Variants in GSE1 observed in about 807,000 individuals in gnomAD.
GSE1 encodes the protein Gse1 coiled-coil protein.
A neutral mutation model predicts 112.6 loss-of-function variants in GSE1; 32 were observed. The observed-to-expected ratio is 0.28, with a 90% CI of 0.21 to 0.38. GSE1 has a LOEUF of 0.38. Among genes scored for constraint, GSE1 ranks in the 10% least tolerant of loss-of-function variants. GSE1 has a pLI of 1.00. For synonymous variants in GSE1, 1,115 were observed against 735.6 expected (o/e 1.52, Z -8.35); for missense variants, 2,348 against 1,699.2 (o/e 1.38, Z -6.71).
intron 3 of GSE1, among the ~76,000 whole-genome samples, chr16:85,649,059 T>TC (rs2051118456): frequency 6.6e-6 from 1 of 152,132 alleles, no homozygotes; most frequent in Non-Finnish European, 1.5e-5. Context: ...AGGGCTGGTT[T>TC]CCCCAGAGGC....
intron 1 of GSE1, among the ~76,000 whole-genome samples, chr16:85,338,124 C>G (rs1419414123): frequency 1.3e-5 from 2 of 152,230 alleles, no homozygotes; most frequent in African/African-American, 2.4e-5. Flanking sequence ...CTGTTCTTCC[C>G]TGGAGCCCTG....
intron 2 of GSE1, among the ~76,000 whole-genome samples, chr16:85,377,886 C>T (rs2047455240): frequency 6.6e-6 from 1 of 152,274 alleles, no homozygotes; most frequent in Admixed American, 6.5e-5. Context: ...CCAGCATCCA[C>T]CTCCTGGTAC....
chr16:85,538,478 A>C (rs1427873109), intron 2 of GSE1, among the ~76,000 whole-genome samples: 1 of 151,908 alleles, frequency 6.6e-6, no homozygotes, highest in Non-Finnish European at 1.5e-5. Flanking sequence ...GCAGCCTTTC[A>C]CCTCCTGGCA....
chr16:85,431,985 C>T, intron 2 of GSE1, among the ~76,000 whole-genome samples: 1 of 152,206 alleles, frequency 6.6e-6, no homozygotes, highest in Non-Finnish European at 1.5e-5. Flanking sequence ...GGCATGGGCG[C>T]CTGGTGGAAT....
At chr16:85,437,588 G>C (rs753099484) in intron 2 of GSE1, among the ~76,000 whole-genome samples, 1 of 152,192 alleles carries the variant, frequency 6.6e-6, no homozygotes, top group East Asian at 1.9e-4. Flanking sequence ...CCACATGCTC[G>C]GGGGATTGGG....
At chr16:85,322,453 A>G (rs992056062) in intron 1 of GSE1, among the ~76,000 whole-genome samples, 1 of 152,050 alleles carries the variant, frequency 6.6e-6, no homozygotes, top group Non-Finnish European at 1.5e-5. Flanking sequence ...TAATCAGAGG[A>G]GGTTTGCAAG....
intron 1 of GSE1, among the ~76,000 whole-genome samples, chr16:85,216,757 GC>G (rs2075312264): frequency 6.6e-6 from 1 of 152,216 alleles, no homozygotes; most frequent in Non-Finnish European, 1.5e-5. Context: ...ACCTCCTCCA[GC>G]CTCTGGGGGA....
intron 1 of GSE1, among the ~76,000 whole-genome samples, chr16:85,558,889 G>C (rs746474260): frequency 3.9e-5 from 6 of 152,008 alleles, no homozygotes; most frequent in Non-Finnish European, 8.8e-5. Context: ...ATGGAGTCTT[G>C]CTGTGTCGCC....
chr16:85,273,863 ATT>A (rs1399628119), intron 1 of GSE1, among the ~76,000 whole-genome samples: 5 of 138,852 alleles, frequency 3.6e-5, no homozygotes, highest in African/African-American at 5.3e-5. Context: ...CTAATTTTGT[ATT>A]TTTTTTTTTT....
chr16:85,505,782 G>C (rs961915138), intron 2 of GSE1, among the ~76,000 whole-genome samples: 1 of 152,096 alleles, frequency 6.6e-6, no homozygotes, highest in Non-Finnish European at 1.5e-5. Flanking sequence ...ACTTTGGGAG[G>C]CTGAGGCCAG....
In GSE1 at chr16:85,560,173, C is replaced by T. The variant is rs1271375557; in HGVS notation, c.37+3810C>T. Among the ~76,000 whole-genome samples, 7 of 114,286 alleles carry T rather than the reference C, an allele frequency of 6.1e-5. 1 individual carries two copies. In the East Asian group the frequency reaches 2.0e-3, roughly 33 times the overall value. 75.0% of individuals were successfully genotyped at this position (114,286 alleles called of 152,430 possible). On this transcript the variant is annotated intron_variant, in intron 1 of 2. Coordinates refer to the GSE1 transcript ENST00000635906. ...TTTATGTGAGACGGAGTCTCTCTCT[C>T]TTGCCAGGCTCGAGTGCAATGGCGA...
At chr16:85,259,693 C>T (rs1202829093) in intron 1 of GSE1, among the ~76,000 whole-genome samples, 2 of 152,152 alleles carry the variant, frequency 1.3e-5, no homozygotes, top group Non-Finnish European at 2.9e-5. Flanking sequence ...AGTAACAGTC[C>T]CGAGGGCAGG....
chr16:85,625,181 C>T (rs1025520150), intron 1 of GSE1, among the ~76,000 whole-genome samples: 1 of 152,158 alleles, frequency 6.6e-6, no homozygotes, highest in Non-Finnish European at 1.5e-5. Flanking sequence ...CTGCCAGTCC[C>T]GCCCTTCCCG....
intron 1 of GSE1, among the ~76,000 whole-genome samples, chr16:85,350,808 G>A (rs2046837187): frequency 6.6e-6 from 1 of 152,126 alleles, no homozygotes; most frequent in African/African-American, 2.4e-5. Flanking sequence ...ACGGACTCTT[G>A]CTCTGTCACC....
intron 2 of GSE1, among the ~76,000 whole-genome samples, chr16:85,404,698 C>CT (rs748015203): frequency 3.7e-4 from 18 of 48,024 alleles, no homozygotes; most frequent in Non-Finnish European, 4.8e-4. Flanking sequence ...TCAGGCCCCC[C>CT]GGATAATCCT....
chr16:85,362,029 C>G (rs1247893123), intron 2 of GSE1, among the ~76,000 whole-genome samples: 1 of 152,194 alleles, frequency 6.6e-6, no homozygotes, highest in Admixed American at 6.5e-5. Context: ...AAGTGGCCGT[C>G]TGGGAGGTGG....
At chr16:85,478,930 T>TC (rs2050580686) in intron 2 of GSE1, among the ~76,000 whole-genome samples, 3 of 51,294 alleles carry the variant, frequency 5.8e-5, no homozygotes, top group African/African-American at 1.1e-4. Context: ...TTTCTTTCTC[T>TC]TTCTTTCTTT....
At chr16:85,325,906 G>T (rs930672103) in intron 1 of GSE1, among the ~76,000 whole-genome samples, 1 of 151,842 alleles carries the variant, frequency 6.6e-6, no homozygotes, top group Admixed American at 6.6e-5. Context: ...ATGCCATCGT[G>T]CCCAGCTAAT....
rs534407381 is a variant in GSE1 at position 85,401,604 on chromosome 16, G to C, written c.2464+43961G>C. 7.2e-4 allele frequency among the ~76,000 whole-genome samples: 109 copies of C among 152,284 alleles called. 1 individual carries two copies. The highest frequency in any genetic ancestry group is 2.5e-3 in the African/African-American group (104 of 41,570). On this transcript the variant is annotated intron_variant, in intron 2 of 2. Transcript: ENST00000637419. Reference sequence around the variant, plus strand: ...CTGTGGGGCGGCCCATCCAGGTGAGGGCCAACACTCTGCCGAGGCCAGGGT... The same window carrying C: ...CTGTGGGGCGGCCCATCCAGGTGAGCGCCAACACTCTGCCGAGGCCAGGGT...
Sources: gnomAD v4.1 joint callset for allele counts (sites outside exome capture counted in the v4.1 genomes callset) on GRCh38, gnomAD v4.1.1 for gene constraint, MANE v1.5 for transcripts, NCBI Gene and HGNC (gene_info 2026-07-23, HGNC 2026-07-21) for gene names.